Variants in AOAH observed in about 807,000 individuals in gnomAD.
AOAH encodes the protein acyloxyacyl hydrolase (neutrophil).
Under a neutral mutation model 92.2 loss-of-function variants are expected in AOAH, and 64 were observed. The ratio of observed to expected loss-of-function variants is 0.69; its 90% CI spans 0.57 to 0.86. AOAH has a LOEUF of 0.86. AOAH is among the 40% of genes least tolerant of loss of function. The pLI is 0.00. For synonymous variants in AOAH, 263 were observed against 254.5 expected (o/e 1.03, Z -0.32); for missense variants, 656 against 694.6 (o/e 0.94, Z 0.62).
At chr7:36,585,839 C>G (rs1789285418) in intron 12 of AOAH, among the ~76,000 whole-genome samples, 1 of 152,084 alleles carries the variant, frequency 6.6e-6, no homozygotes, top group Non-Finnish European at 1.5e-5. Context: ...GGGAGTAAAA[C>G]TGGGGACAAA....
In AOAH at chr7:36,638,641, A is replaced by G. The variant is rs145331751; in HGVS notation, c.391-731T>C. On this transcript the variant is annotated intron_variant, in intron 4 of 20. Coordinates refer to ENST00000617537, the MANE Select transcript of AOAH (RefSeq NM_001637.4). ...AGGAGGAGGGTTTTCTCTCATCACT[A>G]CTTCCCAGAGCTTTCAAACCCAACT... Among the ~76,000 whole-genome samples the G allele has an allele frequency of 4.8e-4, 73 of 152,216 alleles. 1 individual carries two copies. Among genetic ancestry groups the G allele is most frequent in the African/African-American group, 1.7e-3 (71 of 41,516 alleles).
chr7:36,515,668 C>T (rs1783615962), intron 20 of AOAH, among the ~76,000 whole-genome samples: 1 of 136,538 alleles, frequency 7.3e-6, no homozygotes, highest in East Asian at 2.4e-4. Flanking sequence ...ACACCACACC[C>T]CTCACAACCC....
intron 16 of AOAH, 51 bp from the exon 17 acceptor site, chr7:36,532,395 T>G: frequency 6.4e-7 from 1 of 1,574,734 alleles, no homozygotes; most frequent in Non-Finnish European, 8.7e-7. Flanking sequence ...AATAGCAGCA[T>G]TTAGAGGCAC....
chr7:36,700,408 T>G (rs1325855588), intron 1 of AOAH, among the ~76,000 whole-genome samples: 3 of 152,042 alleles, frequency 2.0e-5, no homozygotes, highest in African/African-American at 7.2e-5. Flanking sequence ...TGCTTATATG[T>G]GAGAATGTCT....
chr7:36,631,953 A>G, intron 6 of AOAH, 83 bp downstream of exon 6: 3 of 1,060,904 alleles, frequency 2.8e-6, no homozygotes, highest in Non-Finnish European at 4.2e-6. Flanking sequence ...AAGTGTGAAG[A>G]TCATTTTGGT....
intron 11 of AOAH, among the ~76,000 whole-genome samples, chr7:36,612,240 C>T (rs1791513373): frequency 6.6e-6 from 1 of 152,162 alleles, no homozygotes; most frequent in Admixed American, 6.5e-5. Context: ...TGCTGACCTA[C>T]AACTTTCCAA....
At chr7:36,717,508 G>A (rs1799291152) in intron 1 of AOAH, among the ~76,000 whole-genome samples, 1 of 151,978 alleles carries the variant, frequency 6.6e-6, no homozygotes, top group Non-Finnish European at 1.5e-5. Context: ...AGAGCTTTTG[G>A]GAGCCAGTAG....
rs575602132 is a variant in AOAH, at chr7:36,545,988, C to T, written c.1133+2624G>A. ...CATATCATTCACATTACATAGCCCT[C>T]AAGGGCAGTGATAGGAAAAGCGCAA... is the stretch of plus-strand genomic sequence containing the variant. On this transcript the variant is annotated intron_variant, in intron 15 of 20. Coordinates refer to ENST00000617537, the MANE Select transcript of AOAH (RefSeq NM_001637.4). 2.0e-4 allele frequency among the ~76,000 whole-genome samples: 31 copies of T among 152,344 alleles called. No homozygotes were observed. The South Asian group carries it at 6.2e-3, about 31-fold the overall frequency.
chr7:36,578,117 T>G (rs1002940417), intron 12 of AOAH, among the ~76,000 whole-genome samples: 11 of 152,238 alleles, frequency 7.2e-5, no homozygotes, highest in African/African-American at 2.7e-4. Context: ...AGTAGAATTT[T>G]GAGATGAATA....
intron 6 of AOAH, among the ~76,000 whole-genome samples, chr7:36,624,211 A>G (rs1025338144): frequency 5.3e-5 from 8 of 152,138 alleles, no homozygotes; most frequent in African/African-American, 1.9e-4. Context: ...ATTTCATCCA[A>G]TTCTTTGTTC....
At chr7:36,674,122 A>G in intron 2 of AOAH, 113 bp from the exon 3 acceptor site, 1 of 643,062 alleles carries the variant, frequency 1.6e-6, no homozygotes, top group Non-Finnish European at 2.7e-6. Flanking sequence ...TTTATGATTA[A>G]TTTAATTTTA....
intron 2 of AOAH, among the ~76,000 whole-genome samples, chr7:36,679,006 A>G (rs538032187): frequency 6.6e-6 from 1 of 152,328 alleles, no homozygotes; most frequent in African/African-American, 2.4e-5. Flanking sequence ...TACAGATTAA[A>G]AGAGACTTGG....
intron 20 of AOAH, among the ~76,000 whole-genome samples, chr7:36,518,527 C>T (rs10951482): frequency 0.44 from 67,523 of 152,082 alleles, 16,618 homozygotes; most frequent in East Asian, 0.59. Context: ...CCTCCTCCTG[C>T]CAGTTCACAC....
intron 13 of AOAH, among the ~76,000 whole-genome samples, chr7:36,566,439 C>G (rs771089119): frequency 2.7e-5 from 4 of 150,918 alleles, no homozygotes; most frequent in African/African-American, 4.9e-5. Flanking sequence ...GGCTGGATTC[C>G]GTGGGTTCAG....
intron 11 of AOAH, chr7:36,598,359 C>T (rs1325053149): frequency 6.6e-6 from 1 of 151,954 alleles, no homozygotes; most frequent in Non-Finnish European, 1.5e-5. Context: ...ATATAGCAAA[C>T]CTGTGCTTTC....
At chr7:36,675,817 T>C (rs926142398) in intron 2 of AOAH, among the ~76,000 whole-genome samples, 1 of 152,126 alleles carries the variant, frequency 6.6e-6, no homozygotes, top group Non-Finnish European at 1.5e-5. Context: ...ATCCCAGGAA[T>C]GCAAAATTGG....
At chr7:36,678,623 T>A (rs1562688411) in intron 2 of AOAH, among the ~76,000 whole-genome samples, 1 of 130,222 alleles carries the variant, frequency 7.7e-6, no homozygotes, top group African/African-American at 2.7e-5. Flanking sequence ...GCGTTAGAAT[T>A]CTGTTTAGCT....
At chr7:36,678,602 C>T (rs201862597) in intron 2 of AOAH, among the ~76,000 whole-genome samples, 982 of 75,036 alleles carry the variant, frequency 0.013, 5 homozygotes, top group Middle Eastern at 0.026. Flanking sequence ...TGTGTGTGTG[C>T]GCGCGCGCGC....
intron 1 of AOAH, among the ~76,000 whole-genome samples, chr7:36,703,184 G>C (rs1798136929): frequency 6.6e-6 from 1 of 152,000 alleles, no homozygotes; most frequent in Admixed American, 6.6e-5. Context: ...TTTCACCACT[G>C]AAGTCTTAAA....
Sources: gnomAD v4.1 joint callset for allele counts (sites outside exome capture counted in the v4.1 genomes callset) on GRCh38, gnomAD v4.1.1 for gene constraint, MANE v1.5 for transcripts, NCBI Gene and HGNC (gene_info 2026-07-23, HGNC 2026-07-21) for gene names.